The following FOXJ3 variants were observed in gnomAD, a reference collection of about 807,000 sequenced individuals.
FOXJ3 encodes the protein forkhead box J3, also known as forkhead box protein J3.
A neutral mutation model predicts 76.1 loss-of-function variants in FOXJ3; 22 were observed. The observed-to-expected ratio is 0.29, with a 90% confidence interval of 0.21 to 0.41. The LOEUF (loss-of-function observed/expected upper bound fraction) is 0.41, where lower values mean the gene tolerates loss of function less well. FOXJ3 is among the 10% of genes least tolerant of loss of function. The probability of loss-of-function intolerance (pLI) is 1.00; values close to 1 mark genes in which losing one functional copy is unlikely to be tolerated. For missense variants in FOXJ3, 613 were observed against 762.1 expected (o/e 0.80, Z 2.30); for synonymous variants, 269 against 261.2 (o/e 1.03, Z -0.29).
intron 2 of FOXJ3, among the ~76,000 whole-genome samples, chr1:42,305,104 A>G (rs1654377204): frequency 6.6e-6 from 1 of 152,016 alleles, no homozygotes; most frequent in African/African-American, 2.4e-5. Context: ...GGCATTTCTC[A>G]AAAGACATAC....
intron 2 of FOXJ3, among the ~76,000 whole-genome samples, chr1:42,292,104 A>G (rs1259047659): frequency 2.6e-5 from 4 of 152,098 alleles, no homozygotes; most frequent in Admixed American, 2.0e-4. Flanking sequence ...ACAGAACCCT[A>G]AAGAGGGGTT....
intron 5 of FOXJ3, among the ~76,000 whole-genome samples, chr1:42,210,099 G>T (rs1363734099): frequency 6.6e-6 from 1 of 152,184 alleles, no homozygotes; most frequent in Non-Finnish European, 1.5e-5. Flanking sequence ...CCAAGTCCGT[G>T]GGAGCTGAGT....
chr1:42,227,458 T>C (rs1647664322), intron 5 of FOXJ3, among the ~76,000 whole-genome samples: 2 of 152,232 alleles, frequency 1.3e-5, no homozygotes, highest in South Asian at 2.1e-4. Context: ...CTTAGAAATG[T>C]TGTGTACAAA....
intron 3 of FOXJ3, among the ~76,000 whole-genome samples, chr1:42,272,653 A>G (rs1165889773): frequency 6.6e-6 from 1 of 152,176 alleles, no homozygotes; most frequent in Non-Finnish European, 1.5e-5. Flanking sequence ...CTTTATCACT[A>G]CATCTAAAAC....
At chr1:42,213,401 A>G (rs977654931) in intron 5 of FOXJ3, among the ~76,000 whole-genome samples, 3 of 152,074 alleles carry the variant, frequency 2.0e-5, no homozygotes, top group African/African-American at 7.2e-5. Flanking sequence ...TTTCTGGCAA[A>G]TGGAAGCCAA....
chr1:42,249,765 G>T (rs1276250948), intron 4 of FOXJ3, among the ~76,000 whole-genome samples: 1 of 152,120 alleles, frequency 6.6e-6, no homozygotes, highest in African/African-American at 2.4e-5. Flanking sequence ...ACTCACAATT[G>T]AATGGAACAG....
intron 4 of FOXJ3, among the ~76,000 whole-genome samples, chr1:42,230,873 C>G (rs891720380): frequency 7.9e-5 from 12 of 152,078 alleles, no homozygotes; most frequent in African/African-American, 2.7e-4. Flanking sequence ...GATACGAAAG[C>G]AGGAACTCAA....
At chr1:42,193,076 C>A (rs1240258419) in intron 8 of FOXJ3, among the ~76,000 whole-genome samples, 1 of 151,964 alleles carries the variant, frequency 6.6e-6, no homozygotes, top group African/African-American at 2.4e-5. Context: ...TTTTCAATCT[C>A]AAATTATTTT....
chr1:42,238,292 C>A (rs1486061649), intron 4 of FOXJ3, among the ~76,000 whole-genome samples: 1 of 152,176 alleles, frequency 6.6e-6, no homozygotes, highest in African/African-American at 2.4e-5. Flanking sequence ...ACCTCAGTCT[C>A]CAAAGTGCTG....
intron 3 of FOXJ3, 62 bp from the exon 4 acceptor site, chr1:42,265,251 A>G: frequency 1.2e-6 from 1 of 833,004 alleles, no homozygotes. Context: ...CCCAAATTTA[A>G]AAACAGAATT....
At chr1:42,299,408 T>C (rs974521381) in intron 2 of FOXJ3, among the ~76,000 whole-genome samples, 2 of 151,772 alleles carry the variant, frequency 1.3e-5, no homozygotes, top group Admixed American at 6.6e-5. Flanking sequence ...GTTTATCTGA[T>C]ACGAGAATGG....
At chr1:42,284,033 T>C (rs1353825334) in intron 2 of FOXJ3, among the ~76,000 whole-genome samples, 1 of 151,992 alleles carries the variant, frequency 6.6e-6, no homozygotes, top group African/African-American at 2.4e-5. Context: ...AAAGTCTGGG[T>C]CCCTGATTTT....
chr1:42,195,636 T>C (rs959520470), intron 7 of FOXJ3, among the ~76,000 whole-genome samples: 7 of 152,218 alleles, frequency 4.6e-5, no homozygotes, highest in Non-Finnish European at 7.3e-5. Context: ...GATAATCATC[T>C]GTATTTCTTA....
rs529667633 is a variant in FOXJ3, at chr1:42,203,767, G to A, written c.630+1995C>T. Among the ~76,000 whole-genome samples the A allele has an allele frequency of 6.6e-5, 10 of 152,052 alleles. No homozygotes were observed. The South Asian group carries it at 8.3e-4, about 13-fold the overall frequency. Reference sequence around the variant, plus strand: ...TCCCAGCACTTTGGGAGGCCAAGGCGGACAGATCACCTGAGGTCAGGAGTT... The same window carrying A: ...TCCCAGCACTTTGGGAGGCCAAGGCAGACAGATCACCTGAGGTCAGGAGTT... On this transcript the variant is annotated intron_variant, in intron 6 of 12. Transcript: ENST00000361346.
intron 4 of FOXJ3, among the ~76,000 whole-genome samples, chr1:42,251,969 G>A (rs1246678934): frequency 3.3e-5 from 5 of 151,882 alleles, no homozygotes; most frequent in East Asian, 1.9e-4. Flanking sequence ...CGCCCATCTC[G>A]GCCTCCCAAA....
At position 42,189,216 on chromosome 1, in the gene FOXJ3, T is replaced by C. The variant is rs561128421; in HGVS notation, c.1453+87A>G. 1.2e-5 allele frequency: 11 copies of C among 918,836 alleles called. 1 individual carries two copies. The South Asian group carries it at 1.7e-4, about 14-fold the overall frequency. The allele number at this position is 918,836 out of a possible 1,614,324, so 56.9% of individuals were successfully genotyped here. A position where few individuals can be genotyped will look rare whatever the true frequency, so the allele number is the denominator to read the frequency against. Reference sequence around the variant, plus strand: ...AAAGAAATGCTATATAAGATGATGTTTATTTCTACTACAAAGAAAGTTATA... The same window carrying C: ...AAAGAAATGCTATATAAGATGATGTCTATTTCTACTACAAAGAAAGTTATA... On this transcript the variant is annotated intron_variant, in intron 10 of 12. Coordinates refer to ENST00000361346, the MANE Select transcript of FOXJ3 (RefSeq NM_014947.5).
At chr1:42,310,606 C>A (rs1255980835) in intron 2 of FOXJ3, among the ~76,000 whole-genome samples, 1 of 151,722 alleles carries the variant, frequency 6.6e-6, no homozygotes, top group African/African-American at 2.4e-5. Flanking sequence ...AGCCACCACA[C>A]CTGGCTAATT....
intron 4 of FOXJ3, among the ~76,000 whole-genome samples, chr1:42,247,373 A>G (rs988473427): frequency 6.6e-6 from 1 of 152,202 alleles, no homozygotes; most frequent in African/African-American, 2.4e-5. Context: ...AATACTTGCA[A>G]ATTATATTAG....
intron 9 of FOXJ3, among the ~76,000 whole-genome samples, chr1:42,190,232 G>A (rs1265633228): frequency 1.3e-5 from 2 of 152,178 alleles, no homozygotes; most frequent in East Asian, 3.8e-4. Flanking sequence ...AGTGACTGCT[G>A]TCAAGCCACT....
Sources: gnomAD v4.1 joint callset for allele counts (sites outside exome capture counted in the v4.1 genomes callset) on GRCh38, gnomAD v4.1.1 for gene constraint, MANE v1.5 for transcripts, NCBI Gene and HGNC (gene_info 2026-07-23, HGNC 2026-07-21) for gene names.